SYCP1: variants seen among roughly 807,000 people sequenced by gnomAD.
SYCP1 encodes synaptonemal complex protein 1.
SYCP1 carries 64 observed loss-of-function variants against 153.1 expected under a neutral mutation model. The observed-to-expected ratio is 0.42, with a 90% confidence interval of 0.34 to 0.51. The LOEUF (loss-of-function observed/expected upper bound fraction) is 0.51. Among genes scored for constraint, SYCP1 ranks in the 20% least tolerant of loss-of-function variants. SYCP1 has a pLI of 0.06. For missense variants in SYCP1, 997 were observed against 1,049.0 expected, an observed-to-expected ratio of 0.95 and a Z score of 0.68; for synonymous variants, 384 against 341.8, an observed-to-expected ratio of 1.12 and a Z score of -1.36.
In SYCP1 at chr1:114,960,560, G is replaced by A. The variant is rs142406174; in HGVS notation, c.2322+13240G>A. 6.4e-3 allele frequency among the ~76,000 whole-genome samples: 974 copies of A among 152,188 alleles called. 9 individuals are homozygous for A. Among genetic ancestry groups the A allele is most frequent in the African/African-American group, 0.022 (912 of 41,534 alleles). ...AGGGTTCCCTTTTCTCCACGTCCTC[G>A]TCAGCATTTGTTATTGCCTGACTTT... is the stretch of plus-strand genomic sequence containing the variant. On this transcript the variant is annotated intron_variant, in intron 27 of 31. Transcript: ENST00000369522.
intron 23 of SYCP1, among the ~76,000 whole-genome samples, chr1:114,943,421 A>C (rs1357243771): frequency 6.6e-6 from 1 of 151,936 alleles, no homozygotes; most frequent in African/African-American, 2.4e-5. Context: ...TGAAAATGAA[A>C]GAACTGTATT....
At position 114,926,534 on chromosome 1, in the gene SYCP1, A is replaced by G. The variant is rs1669259130; in HGVS notation, c.1897A>G (p.Ser633Gly). The change falls in exon 23 of 32, where the codon AGC becomes GGC. Residue 633 changes from serine (S) to glycine (G), a missense_variant. This residue lies in a region of SYCP1 where 712 missense variants were observed against 682.9 expected (regional missense o/e 1.04). Coordinates refer to ENST00000369522, the MANE Select transcript of SYCP1 (RefSeq NM_003176.4). ...KALKKKGTAE[S>G]KQLNVYEIKV... is the part of the protein sequence containing the mutation. ...CTTGAAAAAAAAAGGTACAGCAGAA[A>G]GCAAGCAACTGAATGTTTATGAGAT... 3.1e-6 allele frequency: 5 copies of G among 1,599,232 alleles called. No individual in the cohort carries two copies. Among genetic ancestry groups the G allele is most frequent in the Non-Finnish European group, 4.3e-6 (5 of 1,172,904 alleles).
chr1:114,947,310 G>A lies in SYCP1; in HGVS notation c.2312G>A (p.Arg771Lys), dbSNP rs1003629021. The A allele has an allele frequency of 3.1e-6, 5 of 1,612,430 alleles. No homozygotes were observed. In the African/African-American group the frequency reaches 4.0e-5, roughly 13 times the overall value. ...GTTAAGAAGCAACTTGAAATAGAAA[G>A]AGAAGAGAAGGTAGGTTTTTTGGCA... Reference protein sequence around the residue: ...LSVKKQLEIEREEKEKLKREA... With the variant: ...LSVKKQLEIEKEEKEKLKREA... Residue 771 changes from arginine to lysine, a missense_variant, in exon 27 of 32, where the codon AGA becomes AAA. Arg to Lys is a conservative substitution (Grantham distance 26, BLOSUM62 2). This residue lies in a region of SYCP1 where 712 missense variants were observed against 682.9 expected (regional missense o/e 1.04). Transcript: ENST00000369522.
rs539950115 is a variant in SYCP1 at position 114,886,325 on chromosome 1, T to C, written c.1190+16T>C. 2.0e-6 allele frequency: 3 copies of C among 1,491,564 alleles called. No homozygotes were observed. The highest frequency in any genetic ancestry group is 4.8e-5 in the Admixed American group (2 of 41,458). 92.4% of individuals were successfully genotyped at this position (1,491,564 alleles called of 1,614,324 possible). ...AACAGCAAAGGTAAAATATTTATTA[T>C]TTTTAATACACAAAATAAGTGAATA... is the stretch of plus-strand genomic sequence containing the variant. On this transcript the variant is annotated intron_variant, in intron 14 of 31. Transcript: ENST00000369522.
At chr1:114,888,514 T>A (rs1034063692) in intron 15 of SYCP1, among the ~76,000 whole-genome samples, 2 of 152,014 alleles carry the variant, frequency 1.3e-5, no homozygotes, top group East Asian at 3.8e-4. Context: ...TATCCTTTTT[T>A]TCTGTGAGGC....
intron 6 of SYCP1, among the ~76,000 whole-genome samples, chr1:114,859,210 C>T (rs181958624): frequency 3.5e-4 from 54 of 152,268 alleles, no homozygotes; most frequent in African/African-American, 1.1e-3. Context: ...GCCTCAGCCT[C>T]CCAAGTAGCT....
In SYCP1 at chr1:114,976,608, T is replaced by C. The variant is rs773376299; in HGVS notation, c.2323-949T>C. ...ACATATTCTGAGAGTCATTACGATA[T>C]TGCTGGTTTAGAAAATGTGCTTTGT... On this transcript the variant is annotated intron_variant, in intron 27 of 31. Coordinates refer to ENST00000369522, the MANE Select transcript of SYCP1 (RefSeq NM_003176.4). Among the ~76,000 whole-genome samples, 183 of 151,940 alleles carry C rather than the reference T, an allele frequency of 1.2e-3. 1 individual carries two copies. The highest frequency in any genetic ancestry group is 6.5e-4 in the Non-Finnish European group (44 of 67,782).
rs371660711 is a variant in SYCP1 at position 114,981,453 on chromosome 1, G to C, written c.2500G>C (p.Asp834His). Residue 834 changes from aspartate (D) to histidine (H), a missense_variant, in exon 29 of 32, where the codon GAT becomes CAT. Physicochemically the swap from Asp to His is moderately conservative, Grantham distance 81. This residue lies in a region of SYCP1 where 712 missense variants were observed against 682.9 expected (regional missense o/e 1.04). Transcript: ENST00000369522. ...FTSVDHGISK[D>H]KRDYLWTSAK... ...ATCAGTTGATCATGGCATATCCAAA[G>C]ATAAAAGAGACTATCTGTGGACATC... 9 of 1,608,736 alleles carry C rather than the reference G, an allele frequency of 5.6e-6. No individual in the cohort carries two copies. In the South Asian group the frequency reaches 1.0e-4, roughly 18 times the overall value.
intron 30 of SYCP1, among the ~76,000 whole-genome samples, chr1:114,985,921 A>T (rs1446106646): frequency 1.3e-5 from 2 of 151,838 alleles, no homozygotes; most frequent in African/African-American, 2.4e-5. Context: ...TGAAAAAAAA[A>T]AAAATAAATA....
chr1:114,992,559 CA>C (rs1673997684), intron 30 of SYCP1, among the ~76,000 whole-genome samples: 1 of 151,386 alleles, frequency 6.6e-6, no homozygotes, highest in African/African-American at 2.4e-5. Flanking sequence ...ACATTTTTTT[CA>C]ACATATGGTG....
intron 20 of SYCP1, among the ~76,000 whole-genome samples, chr1:114,922,691 A>G (rs886204915): frequency 5.9e-5 from 9 of 152,066 alleles, no homozygotes; most frequent in Non-Finnish European, 1.3e-4. Context: ...TCCAAACTGT[A>G]TCATTGCACT....
At chr1:114,917,141 A>G (rs930944552) in intron 20 of SYCP1, among the ~76,000 whole-genome samples, 4 of 151,874 alleles carry the variant, frequency 2.6e-5, no homozygotes, top group African/African-American at 9.7e-5. Flanking sequence ...TCCTCCTATC[A>G]CCACTACTCT....
intron 27 of SYCP1, among the ~76,000 whole-genome samples, chr1:114,958,523 A>G (rs1414783165): frequency 6.6e-6 from 1 of 152,200 alleles, no homozygotes; most frequent in African/African-American, 2.4e-5. Flanking sequence ...TATGTATCAT[A>G]TACAGATATC....
intron 28 of SYCP1, among the ~76,000 whole-genome samples, 171 bp from the exon 29 acceptor site, chr1:114,981,165 G>A (rs1368370295): frequency 6.6e-6 from 1 of 151,968 alleles, no homozygotes; most frequent in Non-Finnish European, 1.5e-5. Flanking sequence ...CAAGTAAAGT[G>A]ACAAAGAAGA....
chr1:114,973,804 C>G (rs1483067863), intron 27 of SYCP1, among the ~76,000 whole-genome samples: 1 of 151,814 alleles, frequency 6.6e-6, no homozygotes, highest in African/African-American at 2.4e-5. Context: ...TGTATTATTT[C>G]AATTATGTGT....
In SYCP1 at chr1:114,894,411, C is replaced by G. The variant is rs1666923972; in HGVS notation, c.1259-1037C>G. On this transcript the variant is annotated intron_variant, in intron 15 of 31. Coordinates refer to ENST00000369522, the MANE Select transcript of SYCP1 (RefSeq NM_003176.4). ...TCAGACACAATAAATTTTTAGCTGA[C>G]AGCTGGACATATTAGGGAACTCTGT... 2.0e-5 allele frequency among the ~76,000 whole-genome samples: 3 copies of G among 152,082 alleles called. No homozygotes were observed. In the South Asian group the frequency reaches 6.2e-4, roughly 31 times the overall value.
chr1:114,896,032 C>T (rs1327693119), intron 16 of SYCP1, among the ~76,000 whole-genome samples: 1 of 152,068 alleles, frequency 6.6e-6, no homozygotes, highest in Admixed American at 6.5e-5. Flanking sequence ...TCCTTCTCTG[C>T]CTTTGCCTCC....
chr1:114,960,919 A>G (rs1671743705), intron 27 of SYCP1, among the ~76,000 whole-genome samples: 1 of 152,198 alleles, frequency 6.6e-6, no homozygotes, highest in African/African-American at 2.4e-5. Flanking sequence ...GAATAGTTTC[A>G]GTAGGATTGG....
At chr1:114,864,945 G>A (rs1664636246) in intron 8 of SYCP1, among the ~76,000 whole-genome samples, 1 of 152,042 alleles carries the variant, frequency 6.6e-6, no homozygotes, top group Non-Finnish European at 1.5e-5. Flanking sequence ...CATGTGCCAT[G>A]CTGGTGTGCT....
Sources: allele counts gnomAD v4.1 joint callset (sites outside exome capture counted in the v4.1 genomes callset), GRCh38; gene constraint gnomAD v4.1.1; regional missense constraint gnomAD v4.1.1; transcripts MANE v1.5; gene names NCBI Gene and HGNC (gene_info 2026-07-23, HGNC 2026-07-21).